Variants in CCDC3 observed in about 807,000 individuals in gnomAD.
The protein encoded by CCDC3 is coiled-coil domain containing 3.
A neutral mutation model predicts 21.4 loss-of-function variants in CCDC3; 24 were observed. The observed-to-expected ratio is 1.12, with a 90% CI of 0.81 to 1.58. The LOEUF is 1.58. CCDC3 is among the 40% of genes most tolerant of loss of function. The pLI is 0.00. For synonymous variants in CCDC3, 186 were observed against 166.0 expected (o/e 1.12, Z -0.93); for missense variants, 425 against 360.9 (o/e 1.18, Z -1.44).
rs74395284 is a variant in CCDC3, at chr10:12,911,000, T to C, written c.550-12321A>G. On this transcript the variant is annotated intron_variant, in intron 2 of 2. Coordinates refer to ENST00000378825, the MANE Select transcript of CCDC3 (RefSeq NM_031455.4). ...GAATATTATCTGTGAGAATTTTAAATATGTCTGAATTACTGTTCCATTCTA... is the reference window on the plus strand; with the variant it reads ...GAATATTATCTGTGAGAATTTTAAACATGTCTGAATTACTGTTCCATTCTA... 5.8e-3 allele frequency among the ~76,000 whole-genome samples: 876 copies of C among 152,344 alleles called. 4 individuals carry two copies. Among genetic ancestry groups the C allele is most frequent in the Middle Eastern group, 0.014 (4 of 294 alleles).
chr10:12,939,490 G>A (rs1312629793), intron 2 of CCDC3, among the ~76,000 whole-genome samples: 1 of 152,184 alleles, frequency 6.6e-6, no homozygotes, highest in African/African-American at 2.4e-5. Context: ...AGGCATAGTG[G>A]CATGCACCTG....
chr10:13,020,126 A>G (rs1260344049), intron 5 of CCDC3, among the ~76,000 whole-genome samples: 4 of 152,172 alleles, frequency 2.6e-5, no homozygotes, highest in Admixed American at 6.5e-5. Context: ...CTTCAAAACA[A>G]TTTTCACTTC....
rs149009282 is a variant in CCDC3 at position 12,925,901 on chromosome 10, C to T, written c.550-27222G>A. 2.2e-3 allele frequency among the ~76,000 whole-genome samples: 342 copies of T among 152,346 alleles called. 1 individual carries two copies. The highest frequency in any genetic ancestry group is 7.9e-3 in the African/African-American group (329 of 41,576). Reference sequence around the variant, plus strand: ...TATAGCTCAAACTTTATGTATGAGGCAGAAAAGAACAGGCAGAACAAAAGC... The same window carrying T: ...TATAGCTCAAACTTTATGTATGAGGTAGAAAAGAACAGGCAGAACAAAAGC... On this transcript the variant is annotated intron_variant, in intron 2 of 2. Coordinates refer to ENST00000378825, the MANE Select transcript of CCDC3 (RefSeq NM_031455.4).
intron 2 of CCDC3, among the ~76,000 whole-genome samples, chr10:12,927,409 GTA>G (rs1834560553): frequency 6.6e-6 from 1 of 152,122 alleles, no homozygotes; most frequent in Non-Finnish European, 1.5e-5. Context: ...CTAATACTCA[GTA>G]CAACTGCCTC....
chr10:13,098,200 A>T (rs1036107533), intron 3 of CCDC3, among the ~76,000 whole-genome samples: 20 of 151,456 alleles, frequency 1.3e-4, no homozygotes, highest in African/African-American at 4.4e-4. Flanking sequence ...TGTACCAGAA[A>T]CTCACCTCGA....
intron 2 of CCDC3, among the ~76,000 whole-genome samples, chr10:12,965,182 C>A (rs1262023441): frequency 6.6e-6 from 1 of 152,142 alleles, no homozygotes; most frequent in Non-Finnish European, 1.5e-5. Context: ...CCTACATCCC[C>A]CCTCCCTGCT....
At chr10:12,919,471 T>G (rs1387071433) in intron 2 of CCDC3, among the ~76,000 whole-genome samples, 1 of 151,640 alleles carries the variant, frequency 6.6e-6, no homozygotes, top group African/African-American at 2.4e-5. Flanking sequence ...GTGCCTGTAG[T>G]CCTAGCTACT....
In CCDC3 at chr10:13,091,849, T is replaced by C. The variant is rs1040034381; in HGVS notation, c.-503+6676A>G. Among the ~76,000 whole-genome samples the C allele has an allele frequency of 3.0e-4, 10 of 33,746 alleles. No homozygotes were observed. In the Admixed American group the frequency reaches 4.1e-3, roughly 14 times the overall value. 22.1% of individuals were successfully genotyped at this position (33,746 alleles called of 152,430 possible). ...AAAAAAAAAAAAAAAAAATTCCTCCTTGCTGGCAGATCCTGAAATCCCTTT... is the reference window on the plus strand; with the variant it reads ...AAAAAAAAAAAAAAAAAATTCCTCCCTGCTGGCAGATCCTGAAATCCCTTT... On this transcript the variant is annotated intron_variant, in intron 3 of 6. Coordinates refer to the CCDC3 transcript ENST00000378839.
upstream of CCDC3, among the ~76,000 whole-genome samples, chr10:13,003,046 G>A (rs2782276): frequency 4.9e-3 from 748 of 152,292 alleles, 10 homozygotes; most frequent in African/African-American, 0.017. Context: ...TAGGGAGTTA[G>A]CACTTCAACA....
At chr10:13,084,934 G>A (rs1251154) in intron 3 of CCDC3, among the ~76,000 whole-genome samples, 14 of 152,040 alleles carry the variant, frequency 9.2e-5, no homozygotes, top group Admixed American at 3.9e-4. Flanking sequence ...AGAAAATCAC[G>A]CCCTCCAACC....
intron 2 of CCDC3, among the ~76,000 whole-genome samples, chr10:12,916,998 G>A (rs1333576904): frequency 6.6e-6 from 1 of 152,126 alleles, no homozygotes; most frequent in Non-Finnish European, 1.5e-5. Context: ...GTACCAGCCT[G>A]GAGTCTGGGG....
chr10:13,048,579 A>G (rs1430393812), intron 5 of CCDC3, among the ~76,000 whole-genome samples: 1 of 152,128 alleles, frequency 6.6e-6, no homozygotes, highest in Non-Finnish European at 1.5e-5. Flanking sequence ...TATTGATGCC[A>G]TTCACTTTTA....
chr10:13,051,305 A>G (rs560447172), intron 4 of CCDC3, among the ~76,000 whole-genome samples: 12 of 152,294 alleles, frequency 7.9e-5, no homozygotes, highest in African/African-American at 2.4e-4. Flanking sequence ...GCTAACACCC[A>G]CGACCCTAGG....
At position 13,039,633 on chromosome 10, in the gene CCDC3, T is replaced by C. The variant is rs570296802; in HGVS notation, c.-2+10041A>G. 4.6e-5 allele frequency among the ~76,000 whole-genome samples: 7 copies of C among 152,328 alleles called. No individual in the cohort carries two copies. In the East Asian group the frequency reaches 7.7e-4, roughly 17 times the overall value. On this transcript the variant is annotated intron_variant, in intron 5 of 6. Coordinates refer to the CCDC3 transcript ENST00000378839. ...GGATGTTTTTCTGCTGCTTTGCAGA[T>C]GGATAGTATCGGGACAGAGATTAAA... is the stretch of plus-strand genomic sequence containing the variant.
intron 4 of CCDC3, among the ~76,000 whole-genome samples, chr10:13,060,315 C>G (rs1659843): frequency 0.58 from 87,477 of 151,768 alleles, 26,150 homozygotes; most frequent in African/African-American, 0.73. Flanking sequence ...GGGATTGGCT[C>G]TCTTGGGAAA....
chr10:13,069,563 C>T (rs1836860094), intron 4 of CCDC3, among the ~76,000 whole-genome samples: 1 of 152,128 alleles, frequency 6.6e-6, no homozygotes, highest in South Asian at 2.1e-4. Flanking sequence ...AATCAAACTT[C>T]AGTTTCAAAA....
At chr10:12,904,413 G>A (rs1281686304) in intron 2 of CCDC3, among the ~76,000 whole-genome samples, 4 of 128,100 alleles carry the variant, frequency 3.1e-5, no homozygotes, top group Non-Finnish European at 6.3e-5. Flanking sequence ...AGGCTGCTGT[G>A]AGCCATGATT....
At chr10:12,940,925 G>T (rs1659850) in intron 2 of CCDC3, among the ~76,000 whole-genome samples, 56,107 of 151,308 alleles carry the variant, frequency 0.37, 10,693 homozygotes, top group East Asian at 0.46. Flanking sequence ...CCCTGAGTAG[G>T]AATTGCTGAT....
intron 3 of CCDC3, among the ~76,000 whole-genome samples, chr10:13,074,981 T>G (rs4750309): frequency 0.84 from 127,329 of 152,142 alleles, 53,337 homozygotes; most frequent in South Asian, 0.88. Flanking sequence ...ACCCGGTACA[T>G]CCCAGCCGCG....
Sources: gnomAD v4.1 joint callset for allele counts (sites outside exome capture counted in the v4.1 genomes callset) on GRCh38, gnomAD v4.1.1 for gene constraint, MANE v1.5 for transcripts, NCBI Gene and HGNC (gene_info 2026-07-23, HGNC 2026-07-21) for gene names.